PBX3: variants seen among roughly 807,000 people sequenced by gnomAD.
PBX3 encodes pre-B-cell leukemia transcription factor 3.
In PBX3, 14 loss-of-function variants were observed where a neutral mutation model predicts 48.5. The observed-to-expected ratio is 0.29, with a 90% CI of 0.19 to 0.45. The LOEUF is 0.45. PBX3 is among the 20% of genes least tolerant of loss of function. PBX3 has a pLI of 1.00. For synonymous variants in PBX3, 210 were observed against 200.3 expected (o/e 1.05, Z -0.41); for missense variants, 386 against 546.7 (o/e 0.71, Z 2.93).
chr9:125,897,141 GT>G (rs371641194), intron 2 of PBX3, among the ~76,000 whole-genome samples: 5,832 of 108,792 alleles, frequency 0.054, 128 homozygotes, highest in Non-Finnish European at 0.071. Context: ...TTCATTTGTG[GT>G]TTTTTTTTTT....
At chr9:125,762,135 G>T (rs1432378000) in intron 2 of PBX3, among the ~76,000 whole-genome samples, 1 of 152,128 alleles carries the variant, frequency 6.6e-6, no homozygotes, top group African/African-American at 2.4e-5. Flanking sequence ...TTCTGGCTGA[G>T]TGCTACTTTA....
intron 1 of PBX3, 112 bp downstream of exon 1, chr9:125,747,765 C>A (rs1836236132): frequency 2.5e-6 from 2 of 807,646 alleles, no homozygotes; most frequent in African/African-American, 1.8e-5. Context: ...CGGCGGGGAA[C>A]TTTCTCCGAA....
At chr9:125,855,809 C>T (rs1470681218) in intron 2 of PBX3, among the ~76,000 whole-genome samples, 5 of 152,114 alleles carry the variant, frequency 3.3e-5, no homozygotes, top group Admixed American at 1.3e-4. Flanking sequence ...TCCCCCTTCA[C>T]GTATCCTGGG....
intron 1 of PBX3, chr9:125,748,189 G>A (rs1836256438): frequency 2.0e-6 from 2 of 977,438 alleles, no homozygotes; most frequent in Admixed American, 6.1e-5. Context: ...GGCCGCAGTC[G>A]GCCGGCCTCC....
chr9:125,936,971 C>T (rs1056799713), intron 5 of PBX3, among the ~76,000 whole-genome samples: 1 of 152,148 alleles, frequency 6.6e-6, no homozygotes, highest in Non-Finnish European at 1.5e-5. Context: ...TGCCTTTTCC[C>T]TGAACATTAG....
intron 5 of PBX3, among the ~76,000 whole-genome samples, chr9:125,946,945 A>G (rs1029777058): frequency 2.0e-5 from 3 of 152,232 alleles, no homozygotes; most frequent in Non-Finnish European, 2.9e-5. Context: ...AGGGAAAAGT[A>G]AGTCTGCCTC....
intron 2 of PBX3, among the ~76,000 whole-genome samples, chr9:125,780,868 C>T (rs1464896154): frequency 6.7e-6 from 1 of 149,742 alleles, no homozygotes; most frequent in Admixed American, 6.6e-5. Flanking sequence ...AGGGACTCCT[C>T]ACTTCTCAGA....
At chr9:125,800,284 C>T (rs373428845) in intron 2 of PBX3, among the ~76,000 whole-genome samples, 2 of 152,024 alleles carry the variant, frequency 1.3e-5, no homozygotes, top group Non-Finnish European at 2.9e-5. Context: ...CCAAATTAAG[C>T]CAGTCACAGA....
chr9:125,865,906 A>G (rs1247005330), intron 2 of PBX3, among the ~76,000 whole-genome samples: 1 of 152,138 alleles, frequency 6.6e-6, no homozygotes, highest in East Asian at 1.9e-4. Context: ...ATGTGTCAGG[A>G]CAAAGTGTGT....
At chr9:125,859,999 CT>C (rs1472874742) in intron 2 of PBX3, among the ~76,000 whole-genome samples, 1 of 152,196 alleles carries the variant, frequency 6.6e-6, no homozygotes, top group Non-Finnish European at 1.5e-5. Flanking sequence ...CTTAAATCTC[CT>C]ATGGGACCCC....
At chr9:125,858,622 A>AT (rs36077474) in intron 2 of PBX3, among the ~76,000 whole-genome samples, 5,720 of 117,784 alleles carry the variant, frequency 0.049, 476 homozygotes, top group African/African-American at 0.14. Flanking sequence ...ACTTTGGTCC[A>AT]TTTTTTTTTT....
intron 3 of PBX3, among the ~76,000 whole-genome samples, chr9:125,924,364 A>C (rs1841524037): frequency 6.6e-6 from 1 of 152,228 alleles, no homozygotes; most frequent in Non-Finnish European, 1.5e-5. Flanking sequence ...TGGTTGAAAT[A>C]TATGAAAAGC....
chr9:125,827,960 G>C (rs1183846938), intron 2 of PBX3, among the ~76,000 whole-genome samples: 1 of 152,084 alleles, frequency 6.6e-6, no homozygotes, highest in Non-Finnish European at 1.5e-5. Context: ...GTTTGTTCTG[G>C]AACTACGCAT....
At position 125,935,509 on chromosome 9, in the gene PBX3, A is replaced by C. The variant is rs978086024; in HGVS notation, c.745A>C (p.Ile249Leu). The C allele has an allele frequency of 2.5e-6, 4 of 1,613,724 alleles. No individual in the cohort carries two copies. Among genetic ancestry groups the C allele is most frequent in the Non-Finnish European group, 3.4e-6 (4 of 1,179,746 alleles). The stretch of plus-strand genomic sequence containing the variant: ...TAACTTCAGTAAACAGGCCACAGAA[A>C]TCTTGAATGAATATTTTTACTCACA... Reference protein sequence around the residue: ...RRNFSKQATEILNEYFYSHLS... With the variant: ...RRNFSKQATELLNEYFYSHLS... Residue 249 changes from isoleucine to leucine, a missense_variant, in exon 5 of 9, where the codon ATC becomes CTC. Ile to Leu is a conservative substitution (Grantham distance 5). This residue lies in a region of PBX3 where 74 missense variants were observed against 206.1 expected (regional missense o/e 0.36). Transcript: ENST00000373489.
intron 2 of PBX3, among the ~76,000 whole-genome samples, chr9:125,903,049 A>G (rs1208552991): frequency 6.6e-6 from 1 of 151,796 alleles, no homozygotes; most frequent in East Asian, 1.9e-4. Context: ...TTGTTATGCA[A>G]TAACTTCCGC....
chr9:125,763,129 A>G (rs1291472816), intron 2 of PBX3, among the ~76,000 whole-genome samples: 2 of 152,166 alleles, frequency 1.3e-5, no homozygotes, highest in African/African-American at 4.8e-5. Flanking sequence ...GGCATAAAAT[A>G]TTTTATCTTC....
chr9:125,888,151 G>A (rs2132373598), intron 2 of PBX3, among the ~76,000 whole-genome samples: 1 of 152,208 alleles, frequency 6.6e-6, no homozygotes, highest in East Asian at 1.9e-4. Flanking sequence ...ATGATTTAAT[G>A]TGGGTTATTC....
At chr9:125,905,821 A>T (rs182510042) in intron 2 of PBX3, among the ~76,000 whole-genome samples, 47 of 152,138 alleles carry the variant, frequency 3.1e-4, no homozygotes, top group Admixed American at 2.8e-3. Flanking sequence ...AAATTTTTCC[A>T]TTATTAACAT....
chr9:125,965,613 G>A (rs112842358), intron 8 of PBX3, among the ~76,000 whole-genome samples: 15 of 152,294 alleles, frequency 9.8e-5, no homozygotes, highest in East Asian at 3.9e-4. Context: ...CTTCTTCGGC[G>A]TGTTGATTTA....
Sources: allele counts gnomAD v4.1 joint callset (sites outside exome capture counted in the v4.1 genomes callset), GRCh38; gene constraint gnomAD v4.1.1; regional missense constraint gnomAD v4.1.1; transcripts MANE v1.5; gene names NCBI Gene and HGNC (gene_info 2026-07-23, HGNC 2026-07-21).